ASMTL: variants seen among roughly 807,000 people sequenced by gnomAD.
ASMTL encodes probable bifunctional dTTP/UTP pyrophosphatase/methyltransferase protein.
In ASMTL, 57 loss-of-function variants were observed where a neutral mutation model predicts 60.3. That is an observed-to-expected ratio of 0.95 (90% confidence interval 0.76 to 1.18). The LOEUF is 1.18. Among genes scored for constraint, ASMTL ranks in the 50% most tolerant of loss-of-function variants. The probability of loss-of-function intolerance (pLI) is 0.00; values close to 1 mark genes in which losing one functional copy is unlikely to be tolerated. For missense variants in ASMTL, 981 were observed against 852.6 expected (o/e 1.15, Z -1.88); for synonymous variants, 419 against 373.0 (o/e 1.12, Z -1.42).
intron 11 of ASMTL, 58 bp downstream of exon 11, chrX:1,417,915 T>C: frequency 1.3e-6 from 2 of 1,554,066 alleles, no homozygotes; most frequent in South Asian, 1.2e-5. Flanking sequence ...GCCCTCTGTC[T>C]AGAAAGAGAT....
In ASMTL at chrX:1,451,154, A is replaced by T. The variant is rs61133652; in HGVS notation, c.93+1594T>A. On this transcript the variant is annotated intron_variant, in intron 1 of 12. Transcript: ENST00000381317. ...CTCCCCATTCCTAGGGGGTCCTGGGACACTCCTCCCTCCCCATCCCTAGGG... is the reference window on the plus strand; with the variant it reads ...CTCCCCATTCCTAGGGGGTCCTGGGTCACTCCTCCCTCCCCATCCCTAGGG... Among the ~76,000 whole-genome samples the T allele has an allele frequency of 5.5e-3, 38 of 6,936 alleles. 1 individual carries two copies. Among genetic ancestry groups the T allele is most frequent in the South Asian group, 0.014 (3 of 212 alleles). The allele number at this position is 6,936 out of a possible 152,430, so 4.6% of individuals were successfully genotyped here.
intron 3 of ASMTL, among the ~76,000 whole-genome samples, chrX:1,436,594 C>T (rs1334992312): frequency 3.9e-5 from 6 of 152,142 alleles, no homozygotes; most frequent in Admixed American, 1.3e-4. Flanking sequence ...CCTTGTGATC[C>T]ACCCGCCTCG....
At chrX:1,423,389 G>C (rs1392635578) in intron 8 of ASMTL, among the ~76,000 whole-genome samples, 1 of 152,068 alleles carries the variant, frequency 6.6e-6, no homozygotes, top group Non-Finnish European at 1.5e-5. Flanking sequence ...GGCATGCTTT[G>C]TCTCCTAATC....
Position 1,403,398 on chromosome X carries a change from C to A in ASMTL, c.1737G>T (p.Gln579His), listed in dbSNP as rs756779979. ...ALMQSLNMLVQTEGKERSLGE... is the reference protein window; with the variant it reads ...ALMQSLNMLVHTEGKERSLGE... ...CCAGGCTCCGCTCCTTGCCTTCAGT[C>A]TGCACCAGCATGTTCAGTGACTGCA... The change falls in exon 13 of 13, where the codon CAG (glutamine) becomes CAT (histidine). Residue 579 changes from glutamine (Q) to histidine (H), a missense_variant. Transcript: ENST00000381317. 6.2e-7 allele frequency: 1 copy of A among 1,613,502 alleles called. No individual in the cohort carries two copies. Among genetic ancestry groups the A allele is most frequent in the South Asian group, 1.1e-5 (1 of 91,084 alleles).
At chrX:1,437,450 C>T (rs2090997764) in intron 3 of ASMTL, among the ~76,000 whole-genome samples, 1 of 151,402 alleles carries the variant, frequency 6.6e-6, no homozygotes, top group South Asian at 2.1e-4. Context: ...CCTCCTGAGG[C>T]CTCTCTCCTG....
At chrX:1,428,646 C>CAATAAATAAATAAATAAATAAAT (rs1556661379) in intron 6 of ASMTL, among the ~76,000 whole-genome samples, 1 of 134,420 alleles carries the variant, frequency 7.4e-6, no homozygotes, top group Non-Finnish European at 1.6e-5. Flanking sequence ...GACTCCGTCT[C>CAATAAATAAATAAATAAATAAAT]AAATAAATAA....
In ASMTL at chrX:1,419,061, G is replaced by A. The variant is rs765882694; in HGVS notation, c.1299C>T (p.His433=). The A allele has an allele frequency of 4.9e-5, 79 of 1,611,136 alleles. 1 individual carries two copies. In the Admixed American group the frequency reaches 9.9e-4, roughly 20 times the overall value. Residue 433 remains histidine, a synonymous_variant, in exon 10 of 13, where the codon CAC becomes CAT. Transcript: ENST00000381317. ...GGCACGCAGTCAGCTTCGTCATGCCGTGCATGGCCCGCATGAACCTCAGCC... is the reference window on the plus strand; with the variant it reads ...GGCACGCAGTCAGCTTCGTCATGCCATGCATGGCCCGCATGAACCTCAGCC... ...ETRLRFMRAM[H]GMTKLTACQV...
intron 8 of ASMTL, 34 bp downstream of exon 8, chrX:1,425,491 G>T: frequency 6.3e-7 from 1 of 1,597,980 alleles, no homozygotes; most frequent in Non-Finnish European, 8.5e-7. Flanking sequence ...CACCTGCAAA[G>T]ATCCTCAGAG....
intron 8 of ASMTL, among the ~76,000 whole-genome samples, chrX:1,424,980 A>G (rs1158891187): frequency 1.2e-4 from 5 of 42,616 alleles, no homozygotes; most frequent in Admixed American, 3.1e-4. Flanking sequence ...CCCTCCTCCC[A>G]TCCATCTATC....
chrX:1,428,969 T>C (rs1371307918), intron 6 of ASMTL, among the ~76,000 whole-genome samples: 4 of 151,520 alleles, frequency 2.6e-5, no homozygotes, highest in Non-Finnish European at 4.4e-5. Flanking sequence ...CGATCTCGGC[T>C]CCCTGCAACC....
chrX:1,415,471 C>CTTTTTTT (rs768836925), intron 11 of ASMTL, among the ~76,000 whole-genome samples: 1 of 147,032 alleles, frequency 6.8e-6, no homozygotes. Flanking sequence ...TTATCATTGT[C>CTTTTTTT]TTTTTTTTTT....
chrX:1,428,039 C>G lies in ASMTL; in HGVS notation c.592G>C (p.Gly198Arg). 1.2e-6 allele frequency: 2 copies of G among 1,613,692 alleles called. No individual in the cohort carries two copies. Among genetic ancestry groups the G allele is most frequent in the South Asian group, 1.1e-5 (1 of 91,076 alleles). Residue 198 changes from glycine to arginine, a missense_variant, in exon 7 of 13, where the codon GGA becomes CGA. Coordinates refer to ENST00000381317, the MANE Select transcript of ASMTL (RefSeq NM_004192.4). ...TTGCAGAAGTGGTTCAGCGGGAATC[C>G]CACCACGTTCAGAAAGTCCCCGTGT... is the stretch of plus-strand genomic sequence containing the variant. Reference protein sequence around the residue: ...SVHGDFLNVVGFPLNHFCKQL... With the variant: ...SVHGDFLNVVRFPLNHFCKQL...
chrX:1,408,016 A>G (rs1439892606), intron 12 of ASMTL, among the ~76,000 whole-genome samples: 2 of 151,812 alleles, frequency 1.3e-5, no homozygotes, highest in Non-Finnish European at 2.9e-5. Flanking sequence ...CCTGGGCAAC[A>G]TCGCAAGATC....
intron 12 of ASMTL, among the ~76,000 whole-genome samples, chrX:1,406,166 T>A (rs1309563726): frequency 6.9e-6 from 1 of 144,534 alleles, no homozygotes; most frequent in Non-Finnish European, 1.5e-5. Flanking sequence ...GATGGCTGAA[T>A]AGATGGTAGA....
intron 3 of ASMTL, among the ~76,000 whole-genome samples, chrX:1,436,581 T>C (rs2090972080): frequency 6.6e-6 from 1 of 152,198 alleles, no homozygotes. Flanking sequence ...CTCGATCTCC[T>C]GACCTTGTGA....
At chrX:1,415,221 G>GTGAGCCTGGGCATGTGGCCCAGGCA (rs1488706313) in intron 11 of ASMTL, among the ~76,000 whole-genome samples, 1 of 138,994 alleles carries the variant, frequency 7.2e-6, no homozygotes, top group Non-Finnish European at 1.5e-5. Context: ...GATTCCAGGC[G>GTGAGCCTGGGCATGTGGCCCAGGCA]TCTCCTGTCA....
intron 1 of ASMTL, 39 bp downstream of exon 1, chrX:1,452,709 C>T: frequency 4.6e-6 from 7 of 1,529,140 alleles, no homozygotes; most frequent in Non-Finnish European, 6.2e-6. Flanking sequence ...TCAGCCCCTC[C>T]GTCCCCGGTC....
In ASMTL at chrX:1,425,676, G is replaced by A. The variant is rs189195244; in HGVS notation, c.909C>T (p.Thr303=). 677 of 1,613,436 alleles carry A rather than the reference G, an allele frequency of 4.2e-4. 7 individuals carry two copies. The African/African-American group carries it at 7.2e-3, about 17-fold the overall frequency. ...EGFMLSKGLL[T]ACKLKVFDLL... ...AATCGAACACCTTCAGTTTGCAAGC[G>A]GTGAGCAGGCCCTGTTAAAAGCAAG... The change falls in exon 8 of 13, where the codon ACC becomes ACT. Residue 303 remains threonine (T), a synonymous_variant. Coordinates refer to ENST00000381317, the MANE Select transcript of ASMTL (RefSeq NM_004192.4).
intron 5 of ASMTL, among the ~76,000 whole-genome samples, chrX:1,434,807 A>G (rs1195905675): frequency 1.3e-5 from 2 of 151,448 alleles, no homozygotes; most frequent in African/African-American, 4.9e-5. Flanking sequence ...AAAAAAAAAA[A>G]AAAGAAAGAA....
Sources: gnomAD v4.1 joint callset for allele counts (sites outside exome capture counted in the v4.1 genomes callset) on GRCh38, gnomAD v4.1.1 for gene constraint, MANE v1.5 for transcripts, NCBI Gene and HGNC (gene_info 2026-07-23, HGNC 2026-07-21) for gene names.